TUBGCP3: variants seen among roughly 807,000 people sequenced by gnomAD.
TUBGCP3 encodes the protein tubulin gamma complex component 3.
TUBGCP3 carries 50 observed loss-of-function variants against 123.1 expected under a neutral mutation model. The ratio of observed to expected loss-of-function variants is 0.41; its 90% CI spans 0.32 to 0.51. The LOEUF is 0.51. TUBGCP3 is among the 20% of genes least tolerant of loss of function. The pLI is 0.36. For missense variants in TUBGCP3, 882 were observed against 1,127.0 expected (o/e 0.78, Z 3.11); for synonymous variants, 405 against 413.9 (o/e 0.98, Z 0.26).
chr13:112,532,323 T>C (rs1269124515), intron 11 of TUBGCP3, among the ~76,000 whole-genome samples: 1 of 152,212 alleles, frequency 6.6e-6, no homozygotes, highest in African/African-American at 2.4e-5. Flanking sequence ...ACAGCAACAG[T>C]GCTAAATAGA....
the TUBGCP3 span, among the ~76,000 whole-genome samples, chr13:112,593,605 G>A: frequency 6.6e-6 from 1 of 151,446 alleles, no homozygotes; most frequent in Admixed American, 6.6e-5. Flanking sequence ...ACTAGTAGGC[G>A]GAGATTGCAG....
At chr13:112,542,415 G>A (rs1878596836) in intron 11 of TUBGCP3, among the ~76,000 whole-genome samples, 1 of 152,068 alleles carries the variant, frequency 6.6e-6, no homozygotes, top group Admixed American at 6.5e-5. Context: ...CAAAGGAAAC[G>A]CCCATTACCT....
At chr13:112,491,904 C>CT (rs1880126815) in intron 20 of TUBGCP3, among the ~76,000 whole-genome samples, 1 of 152,230 alleles carries the variant, frequency 6.6e-6, no homozygotes, top group African/African-American at 2.4e-5. Context: ...GGAGCTTTTT[C>CT]TTTCATTATG....
In TUBGCP3 at chr13:112,547,082, A is replaced by G. The variant is rs145338076; in HGVS notation, c.1168+538T>C. The stretch of plus-strand genomic sequence containing the variant: ...TGAGAAAAAATGTCAGAAAGCAACT[A>G]GCAATACAGAACCTAGAGCCAGAGA... On this transcript the variant is annotated intron_variant, in intron 10 of 21. Coordinates refer to ENST00000261965, the MANE Select transcript of TUBGCP3 (RefSeq NM_006322.6). The G allele has an allele frequency of 4.4e-3, 897 of 204,804 alleles. 11 individuals carry two copies. Among genetic ancestry groups the G allele is most frequent in the African/African-American group, 0.02 (852 of 43,492 alleles). The allele number at this position is 204,804 out of a possible 1,614,324, so 12.7% of individuals were successfully genotyped here. A position where few individuals can be genotyped will look rare whatever the true frequency, so the allele number is the denominator to read the frequency against.
At chr13:112,509,666 G>C (rs1479234363) in intron 17 of TUBGCP3, among the ~76,000 whole-genome samples, 3 of 152,204 alleles carry the variant, frequency 2.0e-5, no homozygotes, top group African/African-American at 7.2e-5. Context: ...CCCCTTGACA[G>C]TGAGAGACAT....
chr13:112,526,529 C>T (rs992425187), intron 13 of TUBGCP3, among the ~76,000 whole-genome samples: 3 of 151,138 alleles, frequency 2.0e-5, no homozygotes, highest in Non-Finnish European at 4.4e-5. Flanking sequence ...CTGCCACCAC[C>T]ATGCCATCAT....
In TUBGCP3 at chr13:112,548,101, T is replaced by A; in HGVS notation, c.1035+7A>T. 6.4e-7 allele frequency: 1 copy of A among 1,568,372 alleles called. No individual in the cohort carries two copies. Among genetic ancestry groups the A allele is most frequent in the Non-Finnish European group, 8.7e-7 (1 of 1,152,912 alleles). On this transcript the variant is annotated splice_region_variant and intron_variant, in intron 9 of 21. Coordinates refer to ENST00000261965, the MANE Select transcript of TUBGCP3 (RefSeq NM_006322.6). ...TAAAGAAATAAAAATAAAAATAAAA[T>A]ATTTACCTGAGAATGTAAAACAGAG...
At chr13:112,521,857 A>G (rs368853423) in intron 14 of TUBGCP3, 22 of 985,426 alleles carry the variant, frequency 2.2e-5, no homozygotes, top group Non-Finnish European at 2.7e-5. Flanking sequence ...AAGGACATAC[A>G]TTTAACTCTG....
intron 11 of TUBGCP3, among the ~76,000 whole-genome samples, chr13:112,533,331 C>T (rs1305816270): frequency 1.3e-5 from 2 of 152,196 alleles, no homozygotes; most frequent in East Asian, 1.9e-4. Context: ...CGGGTCACTA[C>T]AGAAGGTGCA....
At chr13:112,563,205 A>G (rs1880658167) in intron 3 of TUBGCP3, among the ~76,000 whole-genome samples, 1 of 152,170 alleles carries the variant, frequency 6.6e-6, no homozygotes, top group African/African-American at 2.4e-5. Context: ...AAGAGCAAAC[A>G]TTCGACTGCA....
intron 17 of TUBGCP3, among the ~76,000 whole-genome samples, chr13:112,514,856 A>C (rs1228046341): frequency 6.6e-6 from 1 of 152,222 alleles, no homozygotes; most frequent in Non-Finnish European, 1.5e-5. Context: ...GCATGGCATT[A>C]TTTATATCGG....
intron 11 of TUBGCP3, among the ~76,000 whole-genome samples, chr13:112,544,226 G>GGT (rs1878776280): frequency 6.6e-6 from 1 of 151,906 alleles, no homozygotes; most frequent in Admixed American, 6.6e-5. Flanking sequence ...GGCCAAGGCG[G>GGT]GCAGATCACA....
chr13:112,515,255 G>C (rs1346798350), intron 17 of TUBGCP3, among the ~76,000 whole-genome samples: 1 of 152,158 alleles, frequency 6.6e-6, no homozygotes, highest in Non-Finnish European at 1.5e-5. Flanking sequence ...ATGGAGCTCA[G>C]CCTTCACAGA....
In TUBGCP3 at chr13:112,554,143, G is replaced by A; in HGVS notation, c.880C>T (p.Leu294Phe). ...SRSLRDTAVR[L>F]SELGWLHNKI... is the part of the protein sequence containing the mutation. ...TTATGCAACCATCCCAACTCAGAAA[G>A]CCTGACTGCTGTGTCTCTCAAAGAC... The change falls in exon 8 of 22, where the codon CTT becomes TTT. Residue 294 changes from leucine to phenylalanine, a missense_variant. Transcript: ENST00000261965. 6.2e-7 allele frequency: 1 copy of A among 1,614,146 alleles called. No individual in the cohort carries two copies. The highest frequency in any genetic ancestry group is 1.3e-5 in the African/African-American group (1 of 75,022).
chr13:112,487,504 AG>A, intron 21 of TUBGCP3, among the ~76,000 whole-genome samples: 1 of 152,252 alleles, frequency 6.6e-6, no homozygotes, highest in African/African-American at 2.4e-5. Flanking sequence ...CTCAGAAATA[AG>A]CACACAGACA....
At chr13:112,562,747 G>C (rs1880617563) in intron 3 of TUBGCP3, among the ~76,000 whole-genome samples, 1 of 152,214 alleles carries the variant, frequency 6.6e-6, no homozygotes, top group South Asian at 2.1e-4. Flanking sequence ...CTGAACTACA[G>C]GACCGCAAGT....
intron 13 of TUBGCP3, among the ~76,000 whole-genome samples, chr13:112,523,250 G>A (rs1448139072): frequency 6.6e-6 from 1 of 152,208 alleles, no homozygotes; most frequent in African/African-American, 2.4e-5. Flanking sequence ...ACTGAGAGAA[G>A]GAGGCAAAAC....
intron 20 of TUBGCP3, among the ~76,000 whole-genome samples, chr13:112,492,541 C>CA (rs1880165718): frequency 6.6e-6 from 1 of 152,256 alleles, no homozygotes; most frequent in Non-Finnish European, 1.5e-5. Context: ...CCTCTCCCCC[C>CA]AGAGGAGCCC....
chr13:112,595,201 ATTT>A, the TUBGCP3 span, among the ~76,000 whole-genome samples: 1 of 145,830 alleles, frequency 6.9e-6, no homozygotes. Context: ...CAATTAATAC[ATTT>A]TTTTTTTTTT....
Sources: allele counts gnomAD v4.1 joint callset (sites outside exome capture counted in the v4.1 genomes callset), GRCh38; gene constraint gnomAD v4.1.1; transcripts MANE v1.5; gene names NCBI Gene and HGNC (gene_info 2026-07-23, HGNC 2026-07-21).